GABBR2: variants seen among roughly 807,000 people sequenced by gnomAD.
GABBR2 encodes gamma-aminobutyric acid type B receptor subunit 2.
Under a neutral mutation model 105.6 loss-of-function variants are expected in GABBR2, and 23 were observed. The ratio of observed to expected loss-of-function variants is 0.22; its 90% CI spans 0.16 to 0.31. The LOEUF (loss-of-function observed/expected upper bound fraction) is 0.31. Among genes scored for constraint, GABBR2 ranks in the 10% least tolerant of loss-of-function variants. The pLI, the probability that GABBR2 is intolerant of heterozygous loss-of-function variation, is 1.00. For missense variants in GABBR2, 734 were observed against 1,245.5 expected, an observed-to-expected ratio of 0.59 and a Z score of 6.18; for synonymous variants, 478 against 499.7, an observed-to-expected ratio of 0.96 and a Z score of 0.58.
chr9:98,621,962 C>T (rs1482130971), intron 1 of GABBR2, among the ~76,000 whole-genome samples: 5 of 151,788 alleles, frequency 3.3e-5, no homozygotes, highest in African/African-American at 1.2e-4. Flanking sequence ...AAACAACTGA[C>T]TATAAGATTT....
chr9:98,659,705 G>A (rs914953300), intron 1 of GABBR2, among the ~76,000 whole-genome samples: 2 of 151,880 alleles, frequency 1.3e-5, no homozygotes, highest in African/African-American at 4.8e-5. Context: ...ATTTTTAGTA[G>A]ACATGGGGTT....
intron 3 of GABBR2, among the ~76,000 whole-genome samples, chr9:98,534,681 C>T (rs1274038662): frequency 2.6e-5 from 4 of 152,252 alleles, no homozygotes; most frequent in African/African-American, 9.6e-5. Flanking sequence ...CAAGATACCA[C>T]TGCACATCTA....
chr9:98,369,338 T>C (rs1287920185), intron 12 of GABBR2, among the ~76,000 whole-genome samples: 1 of 151,918 alleles, frequency 6.6e-6, no homozygotes. Flanking sequence ...GAACAGAATA[T>C]ACCTCCACCT....
chr9:98,304,543 T>C (rs540059594), intron 15 of GABBR2, among the ~76,000 whole-genome samples: 1 of 152,240 alleles, frequency 6.6e-6, no homozygotes, highest in South Asian at 2.1e-4. Flanking sequence ...GGTGTTGCCC[T>C]TTAGGCTGGG....
intron 4 of GABBR2, among the ~76,000 whole-genome samples, chr9:98,483,879 C>T (rs1826983713): frequency 6.6e-6 from 1 of 152,218 alleles, no homozygotes; most frequent in Admixed American, 6.5e-5. Flanking sequence ...GTCTGTCTTC[C>T]CCACTGAAGT....
At chr9:98,521,703 C>T (rs1388921573) in intron 3 of GABBR2, among the ~76,000 whole-genome samples, 1 of 152,102 alleles carries the variant, frequency 6.6e-6, no homozygotes, top group Non-Finnish European at 1.5e-5. Context: ...CTAGGCTGGT[C>T]ATATAAAATG....
intron 4 of GABBR2, among the ~76,000 whole-genome samples, chr9:98,490,310 A>G (rs1027506812): frequency 7.2e-5 from 11 of 152,172 alleles, no homozygotes; most frequent in Non-Finnish European, 1.2e-4. Flanking sequence ...AGTTCTGACA[A>G]AAAAAAGGAA....
chr9:98,352,915 G>C (rs1831424468), intron 13 of GABBR2, among the ~76,000 whole-genome samples: 1 of 152,162 alleles, frequency 6.6e-6, no homozygotes, highest in Admixed American at 6.5e-5. Flanking sequence ...AGTATGTATA[G>C]ATGTAGGGGC....
At chr9:98,616,306 G>T (rs1425059198) in intron 1 of GABBR2, among the ~76,000 whole-genome samples, 1 of 152,178 alleles carries the variant, frequency 6.6e-6, no homozygotes, top group African/African-American at 2.4e-5. Context: ...ATTTCTTGCT[G>T]CTGGCTATCA....
intron 6 of GABBR2, among the ~76,000 whole-genome samples, chr9:98,472,520 A>T (rs1467125852): frequency 6.6e-6 from 1 of 152,100 alleles, no homozygotes; most frequent in African/African-American, 2.4e-5. Flanking sequence ...CCTCCTGATA[A>T]CCCCCAGAAG....
At chr9:98,441,111 T>A (rs1427450991) in intron 7 of GABBR2, among the ~76,000 whole-genome samples, 1 of 152,228 alleles carries the variant, frequency 6.6e-6, no homozygotes, top group African/African-American at 2.4e-5. Context: ...AAATGCACAT[T>A]CTTAGGTTTC....
intron 2 of GABBR2, among the ~76,000 whole-genome samples, chr9:98,543,589 C>T (rs916176200): frequency 6.6e-6 from 1 of 152,012 alleles, no homozygotes; most frequent in Non-Finnish European, 1.5e-5. Context: ...GGTTTTGAAC[C>T]CCTGGGCTCA....
intron 6 of GABBR2, among the ~76,000 whole-genome samples, chr9:98,468,429 G>A (rs1031626985): frequency 1.3e-5 from 2 of 152,182 alleles, no homozygotes; most frequent in African/African-American, 4.8e-5. Context: ...CCTGTGCAGG[G>A]CTGTGCTAGG....
intron 3 of GABBR2, 95 bp from the exon 4 acceptor site, chr9:98,496,609 C>T (rs1827285500): frequency 1.0e-5 from 8 of 783,470 alleles, no homozygotes; most frequent in Middle Eastern, 2.7e-4. Flanking sequence ...TTGGGCAAAG[C>T]GATTTTCTCT....
intron 1 of GABBR2, among the ~76,000 whole-genome samples, chr9:98,669,497 T>G (rs1830380569): frequency 1.3e-5 from 2 of 152,210 alleles, no homozygotes; most frequent in African/African-American, 4.8e-5. Context: ...CATTCTAATT[T>G]ATTATATATT....
chr9:98,302,188 C>T (rs1415111), intron 16 of GABBR2, among the ~76,000 whole-genome samples: 37,595 of 152,164 alleles, frequency 0.25, 4,900 homozygotes, highest in South Asian at 0.39. Flanking sequence ...CCCAGCCTCT[C>T]CTCTCACTAG....
chr9:98,302,381 G>T (rs1830483842), intron 16 of GABBR2, among the ~76,000 whole-genome samples: 1 of 152,222 alleles, frequency 6.6e-6, no homozygotes, highest in Admixed American at 6.5e-5. Context: ...ACACCCTGGA[G>T]AGTGGGGAAA....
intron 3 of GABBR2, among the ~76,000 whole-genome samples, chr9:98,533,392 A>C (rs1356762029): frequency 6.6e-6 from 1 of 152,084 alleles, no homozygotes; most frequent in Non-Finnish European, 1.5e-5. Context: ...TGGACTCTTC[A>C]CAAGCCTGGA....
At chr9:98,333,733 G>C (rs913801571) in intron 13 of GABBR2, among the ~76,000 whole-genome samples, 1 of 152,156 alleles carries the variant, frequency 6.6e-6, no homozygotes, top group African/African-American at 2.4e-5. Flanking sequence ...ATCGTTTAGG[G>C]GGAATGACAA....
Sources: allele counts gnomAD v4.1 joint callset (sites outside exome capture counted in the v4.1 genomes callset), GRCh38; gene constraint gnomAD v4.1.1; transcripts MANE v1.5; gene names NCBI Gene and HGNC (gene_info 2026-07-23, HGNC 2026-07-21).